Variants in CPT1A observed in about 807,000 individuals in gnomAD.
CPT1A encodes carnitine O-palmitoyltransferase 1, liver isoform.
Under a neutral mutation model 100.8 loss-of-function variants are expected in CPT1A, and 64 were observed. The ratio of observed to expected loss-of-function variants is 0.63; its 90% CI spans 0.52 to 0.78. The LOEUF (loss-of-function observed/expected upper bound fraction) is 0.78. Among genes scored for constraint, CPT1A ranks in the 30% least tolerant of loss-of-function variants. The pLI is 0.00. For missense variants in CPT1A, 802 were observed against 1,034.1 expected, an observed-to-expected ratio of 0.78 and a Z score of 3.08; for synonymous variants, 363 against 396.0, an observed-to-expected ratio of 0.92 and a Z score of 0.99.
Position 68,841,842 on chromosome 11 carries a change from C to G in CPT1A, c.-81G>C. The G allele has an allele frequency of 1.0e-6, 1 of 994,768 alleles. No individual in the cohort carries two copies. The highest frequency in any genetic ancestry group is 1.2e-6 in the Non-Finnish European group (1 of 838,370). The allele number at this position is 994,768 out of a possible 1,614,324, so 61.6% of individuals were successfully genotyped here. A position where few individuals can be genotyped will look rare whatever the true frequency, so the allele number is the denominator to read the frequency against. ...GCGGCGGCGGCGGCGGTGGAGTGAACGAGCGGCGAGCGGGAGCCGGGGAAG... is the reference window on the plus strand; with the variant it reads ...GCGGCGGCGGCGGCGGTGGAGTGAAGGAGCGGCGAGCGGGAGCCGGGGAAG... On this transcript the variant is annotated 5_prime_UTR_variant, in exon 1 of 19. Coordinates refer to ENST00000265641, the MANE Select transcript of CPT1A (RefSeq NM_001876.4). The surrounding 1 kb of genome is among the most constrained non-coding windows in gnomAD (Gnocchi z 6.3).
intron 9 of CPT1A, among the ~76,000 whole-genome samples, chr11:68,793,072 TC>T (rs1283923910): frequency 6.9e-6 from 1 of 144,328 alleles, no homozygotes; most frequent in Non-Finnish European, 1.5e-5. Flanking sequence ...AATAAATAAA[TC>T]AAACACTCTA....
intron 14 of CPT1A, among the ~76,000 whole-genome samples, chr11:68,767,561 G>A (rs544278757): frequency 1.3e-5 from 2 of 152,316 alleles, no homozygotes; most frequent in East Asian, 3.9e-4. Context: ...CTGCATTCCA[G>A]CCTGGGCAAG....
At position 68,804,020 on chromosome 11, in the gene CPT1A, C is replaced by T. The variant is rs542856213; in HGVS notation, c.535G>A (p.Val179Ile). 2.9e-5 allele frequency: 47 copies of T among 1,614,034 alleles called. No individual in the cohort carries two copies. In the South Asian group the frequency reaches 5.1e-4, roughly 17 times the overall value. The change falls in exon 5 of 19, where the codon GTC becomes ATC. Residue 179 changes from valine (V) to isoleucine (I), a missense_variant. Physicochemically the swap from Val to Ile is conservative, Grantham distance 29 (BLOSUM62 3). Coordinates refer to ENST00000265641, the MANE Select transcript of CPT1A (RefSeq NM_001876.4). ...CCTACCCTGTTCACAGTGTCTTTGA[C>T]AGCCGGGACCGGCAGGCGAGGCAGC... is the stretch of plus-strand genomic sequence containing the variant. ...TSLPRLPVPA[V>I]KDTVNRYLQS...
rs775520150 is a variant in CPT1A at position 68,780,774 on chromosome 11, A to C, written c.1353-29T>G. On this transcript the variant is annotated intron_variant, in intron 11 of 18. Transcript: ENST00000265641. ...CGTGAAACACACATGTGTGGAACTT[A>C]AGTGTTTAAAGAGGCAACAATGAGG... 5.0e-6 allele frequency: 8 copies of C among 1,591,240 alleles called. 1 individual carries two copies. The South Asian group carries it at 8.8e-5, about 18-fold the overall frequency.
At chr11:68,765,136 C>T (rs1195081467) in intron 14 of CPT1A, among the ~76,000 whole-genome samples, 1 of 151,990 alleles carries the variant, frequency 6.6e-6, no homozygotes, top group Admixed American at 6.6e-5. Context: ...TAGGCGCTCA[C>T]AATGAAGAAG....
intron 12 of CPT1A, among the ~76,000 whole-genome samples, chr11:68,777,804 C>T (rs1174826540): frequency 1.3e-5 from 2 of 152,210 alleles, no homozygotes; most frequent in African/African-American, 2.4e-5. Context: ...AACAACAGCT[C>T]TTAGGCATAT....
At chr11:68,832,846 T>G (rs1594378891) in intron 1 of CPT1A, among the ~76,000 whole-genome samples, 1 of 152,344 alleles carries the variant, frequency 6.6e-6, no homozygotes, top group African/African-American at 2.4e-5. Context: ...AAGCGACAGC[T>G]TAGCTCAGCA....
Position 68,761,579 on chromosome 11 carries a change from C to T in CPT1A, c.1984G>A (p.Val662Met), listed in dbSNP as rs776306063. 5.0e-6 allele frequency: 8 copies of T among 1,614,074 alleles called. No homozygotes were observed. The East Asian group carries it at 6.7e-5, about 13-fold the overall frequency. Residue 662 changes from valine (V) to methionine (M), a missense_variant, in exon 16 of 19, where the codon GTG becomes ATG. Val to Met is a conservative substitution (Grantham distance 21). Around this residue, in one of 4 missense-constraint regions of CPT1A, gnomAD observed 627 missense variants for 799.3 expected, o/e 0.78. Coordinates refer to ENST00000265641, the MANE Select transcript of CPT1A (RefSeq NM_001876.4). Reference protein sequence around the residue: ...GIDRHLFCLYVVSKYLAVESP... With the variant: ...GIDRHLFCLYMVSKYLAVESP... ...TCCACAGCGAGATATTTAGACACCA[C>T]GTAAAGGCAGAAGAGGTGACGATCG...
chr11:68,776,854 T>A (rs886323640), intron 12 of CPT1A, among the ~76,000 whole-genome samples: 1 of 152,192 alleles, frequency 6.6e-6, no homozygotes, highest in African/African-American at 2.4e-5. Context: ...AAGGGTGGAT[T>A]TTAAGGTATG....
chr11:68,769,403 A>ATT lies in CPT1A; in HGVS notation c.1740+3860_1740+3861dup, dbSNP rs528320899. ...AGGCATGCGCCACCATGCTGGGCTAATTTTTTTTTTTTTTTTTTTGTATTT... is the reference window on the plus strand; with the variant it reads ...AGGCATGCGCCACCATGCTGGGCTAATTTTTTTTTTTTTTTTTTTTTGTATTT... On this transcript the variant is annotated intron_variant, in intron 14 of 18. Coordinates refer to ENST00000265641, the MANE Select transcript of CPT1A (RefSeq NM_001876.4). Among the ~76,000 whole-genome samples the ATT allele has an allele frequency of 1.9e-4, 25 of 133,312 alleles. 1 individual carries two copies. The highest frequency in any genetic ancestry group is 2.4e-4 in the Non-Finnish European group (15 of 62,446). 87.5% of individuals were successfully genotyped at this position (133,312 alleles called of 152,430 possible).
At position 68,784,794 on chromosome 11, in the gene CPT1A, CA is replaced by C; in HGVS notation, c.1163+20del. The C allele has an allele frequency of 6.2e-7, 1 of 1,602,944 alleles. No homozygotes were observed. ...GCCTCCACCACCCCCCAAAACAGGA[CA>C]AGGGACCTAGGCTGCGCACCTGTCT... On this transcript the variant is annotated intron_variant, in intron 10 of 18. Transcript: ENST00000265641.
Position 68,761,594 on chromosome 11 carries a change from G to A in CPT1A, c.1969C>T (p.Leu657Phe). ...TTAGACACCACGTAAAGGCAGAAGA[G>A]GTGACGATCGATCCCAGAGCCGGTC... is the stretch of plus-strand genomic sequence containing the variant. ...AMTGSGIDRH[L>F]FCLYVVSKYL... The change falls in exon 16 of 19, where the codon CTC (leucine) becomes TTC (phenylalanine). Residue 657 changes from leucine to phenylalanine, a missense_variant. Coordinates refer to ENST00000265641, the MANE Select transcript of CPT1A (RefSeq NM_001876.4). 1.9e-6 allele frequency: 3 copies of A among 1,614,074 alleles called. No individual in the cohort carries two copies. The highest frequency in any genetic ancestry group is 2.5e-6 in the Non-Finnish European group (3 of 1,180,020).
rs1306071221 is a variant in CPT1A, at chr11:68,757,447, G to A, written c.*197C>T. On this transcript the variant is annotated 3_prime_UTR_variant, in exon 19 of 19. Coordinates refer to ENST00000265641, the MANE Select transcript of CPT1A (RefSeq NM_001876.4). ...TCAGATGTCCCCCAAGGGAGGGCAAGTCTGGAAGTAGTGGGGTTATGCTTC... is the reference window on the plus strand; with the variant it reads ...TCAGATGTCCCCCAAGGGAGGGCAAATCTGGAAGTAGTGGGGTTATGCTTC... 6.9e-6 allele frequency: 10 copies of A among 1,448,376 alleles called. No homozygotes were observed. The highest frequency in any genetic ancestry group is 5.2e-5 in the Admixed American group (2 of 38,352). The allele number at this position is 1,448,376 out of a possible 1,614,324, so 89.7% of individuals were successfully genotyped here. A position where few individuals can be genotyped will look rare whatever the true frequency, so the allele number is the denominator to read the frequency against.
chr11:68,787,482 C>T (rs190814346), intron 9 of CPT1A, among the ~76,000 whole-genome samples: 11 of 151,212 alleles, frequency 7.3e-5, no homozygotes, highest in Non-Finnish European at 1.6e-4. Context: ...TTTATAAAAA[C>T]CTTTCATGTT....
At chr11:68,760,479 G>C in intron 16 of CPT1A, 141 bp from the exon 17 acceptor site, 1 of 790,020 alleles carries the variant, frequency 1.3e-6, no homozygotes, top group Admixed American at 2.0e-5. Flanking sequence ...AGGCCTCACT[G>C]GCTTGGGCAG....
In CPT1A at chr11:68,762,344, C is replaced by T. The variant is rs368210885; in HGVS notation, c.1875+283G>A. Among the ~76,000 whole-genome samples the T allele has an allele frequency of 3.3e-5, 5 of 152,246 alleles. No individual in the cohort carries two copies. The East Asian group carries it at 9.6e-4, about 29-fold the overall frequency. On this transcript the variant is annotated intron_variant, in intron 15 of 18. Transcript: ENST00000265641. Reference sequence around the variant, plus strand: ...AGCAGCCACCTGCTATGCCTTTCCTCATTGTGTGTCCTGGCCTAATTTAAA... The same window carrying T: ...AGCAGCCACCTGCTATGCCTTTCCTTATTGTGTGTCCTGGCCTAATTTAAA...
chr11:68,792,097 G>T (rs970166052), intron 9 of CPT1A, among the ~76,000 whole-genome samples: 1 of 151,998 alleles, frequency 6.6e-6, no homozygotes, highest in African/African-American at 2.4e-5. Flanking sequence ...CCAGCACTTT[G>T]GAAGGCCGAG....
intron 1 of CPT1A, among the ~76,000 whole-genome samples, chr11:68,840,316 A>C (rs1453921775): frequency 6.6e-6 from 1 of 152,210 alleles, no homozygotes; most frequent in East Asian, 1.9e-4. Context: ...GCTTCCTGGC[A>C]TAAATAGAAG....
Position 68,799,314 on chromosome 11 carries a change from G to A in CPT1A, c.597C>T (p.Phe199=), listed in dbSNP as rs772640633. Residue 199 remains phenylalanine (F), a synonymous_variant, in exon 6 of 19, where the codon TTC becomes TTT. Coordinates refer to ENST00000265641, the MANE Select transcript of CPT1A (RefSeq NM_001876.4). ...SVRPLMKEED[F]KRMTALAQDF... is the part of the protein sequence containing the mutation. ...CTTGAGCAAGTGCTGTCATCCGTTT[G>A]AAGTCTTCTTCCTTCATAAGAGGCC... The A allele has an allele frequency of 6.2e-7, 1 of 1,613,954 alleles. No homozygotes were observed. Among genetic ancestry groups the A allele is most frequent in the Admixed American group, 1.7e-5 (1 of 60,000 alleles).
Sources: allele counts gnomAD v4.1 joint callset (sites outside exome capture counted in the v4.1 genomes callset), GRCh38; gene constraint gnomAD v4.1.1; regional missense constraint gnomAD v4.1.1; non-coding constraint Gnocchi (gnomAD v3.1); transcripts MANE v1.5; gene names NCBI Gene and HGNC (gene_info 2026-07-23, HGNC 2026-07-21).